The following IQSEC1 variants were observed in gnomAD, a reference collection of about 807,000 sequenced individuals.
IQSEC1 encodes IQ motif and SEC7 domain-containing protein 1.
Under a neutral mutation model 91.0 loss-of-function variants are expected in IQSEC1, and 31 were observed. That is an observed-to-expected ratio of 0.34 (90% confidence interval 0.26 to 0.46). The LOEUF is 0.46. Ranked by LOEUF, IQSEC1 falls within the 20% of genes least tolerant of loss-of-function variation. The pLI, the probability that IQSEC1 is intolerant of heterozygous loss-of-function variation, is 1.00. For missense variants in IQSEC1, 1,388 were observed against 1,575.6 expected (o/e 0.88, Z 2.02); for synonymous variants, 699 against 662.6 (o/e 1.05, Z -0.84).
rs541614898 is a variant in IQSEC1 at position 13,062,207 on chromosome 3, C to T, written c.23+10785G>A. Among the ~76,000 whole-genome samples, 3 of 152,320 alleles carry T rather than the reference C, an allele frequency of 2.0e-5. No individual in the cohort carries two copies. In the East Asian group the frequency reaches 5.8e-4, roughly 29 times the overall value. On this transcript the variant is annotated intron_variant, in intron 1 of 13. Transcript: ENST00000613206. ...ACACCATTACAGCCCAGCTTCCCTTCCCTTCCCTTCCCTTCCCAGATGTTC... is the reference window on the plus strand; with the variant it reads ...ACACCATTACAGCCCAGCTTCCCTTTCCTTCCCTTCCCTTCCCAGATGTTC...
At chr3:13,010,926 C>G (rs769270837) in intron 1 of IQSEC1, among the ~76,000 whole-genome samples, 1 of 152,184 alleles carries the variant, frequency 6.6e-6, no homozygotes, top group African/African-American at 2.4e-5. Flanking sequence ...AAACTCTCCT[C>G]CACTCCCCAC....
chr3:13,186,484 C>T (rs902208297), intron 1 of IQSEC1, among the ~76,000 whole-genome samples: 2 of 152,162 alleles, frequency 1.3e-5, no homozygotes, highest in Non-Finnish European at 2.9e-5. Context: ...GGGAATTGGA[C>T]TCTCTGGTAT....
In IQSEC1 at chr3:12,994,531, C is replaced by T. The variant is rs552504037; in HGVS notation, c.24-52666G>A. 9.2e-5 allele frequency among the ~76,000 whole-genome samples: 14 copies of T among 152,238 alleles called. No homozygotes were observed. The highest frequency in any genetic ancestry group is 7.8e-4 in the Admixed American group (12 of 15,306). ...ACCCCCGGCATTTCCCTCAGACTAC[C>T]CCAGACCCCCAATAAACAGCGAACA... is the stretch of plus-strand genomic sequence containing the variant. On this transcript the variant is annotated intron_variant, in intron 1 of 13. Transcript: ENST00000613206. This position sits in a 1 kb window ranked among gnomAD's most constrained non-coding sequence, Gnocchi z 4.5.
chr3:13,105,040 C>T (rs994958222), intron 2 of IQSEC1, among the ~76,000 whole-genome samples: 3 of 152,238 alleles, frequency 2.0e-5, no homozygotes, highest in Non-Finnish European at 4.4e-5. Context: ...ACTTTTAAAA[C>T]ACATGCTGCA....
At chr3:13,231,410 A>G (rs543406369) in intron 1 of IQSEC1, among the ~76,000 whole-genome samples, 36 of 152,330 alleles carry the variant, frequency 2.4e-4, no homozygotes, top group African/African-American at 8.4e-4. Context: ...AGTCCAGATC[A>G]GGGTGCCACA....
At chr3:13,095,522 T>TCAGAGGC (rs1191924761) in intron 2 of IQSEC1, among the ~76,000 whole-genome samples, 1 of 152,110 alleles carries the variant, frequency 6.6e-6, no homozygotes, top group Non-Finnish European at 1.5e-5. Context: ...CAGCGCCTCC[T>TCAGAGGC]CAGAGGCCGA....
chr3:13,176,305 T>C (rs903943603), intron 1 of IQSEC1, among the ~76,000 whole-genome samples: 3 of 152,054 alleles, frequency 2.0e-5, no homozygotes, highest in African/African-American at 7.2e-5. Flanking sequence ...GGATAACAAG[T>C]GTTCATTAAG....
In IQSEC1 at chr3:12,979,670, G is replaced by A. The variant is rs745571313; in HGVS notation, c.24-37805C>T. On this transcript the variant is annotated intron_variant, in intron 1 of 13. Coordinates refer to ENST00000613206, the MANE Select transcript of IQSEC1 (RefSeq NM_001134382.3). This position sits in a 1 kb window ranked among gnomAD's most constrained non-coding sequence, Gnocchi z 4.3. ...AATCAATACATTGCATTAAGCCTTTGTGGGTGATAAAGAGACATTAAAGGT... is the reference window on the plus strand; with the variant it reads ...AATCAATACATTGCATTAAGCCTTTATGGGTGATAAAGAGACATTAAAGGT... 2.6e-5 allele frequency among the ~76,000 whole-genome samples: 4 copies of A among 152,180 alleles called. No homozygotes were observed. The highest frequency in any genetic ancestry group is 4.4e-5 in the Non-Finnish European group (3 of 68,036).
intron 2 of IQSEC1, among the ~76,000 whole-genome samples, chr3:13,135,931 C>A (rs552737150): frequency 1.3e-5 from 2 of 152,202 alleles, no homozygotes; most frequent in African/African-American, 4.8e-5. Flanking sequence ...AGAGGAGAAG[C>A]GCAGGCCCTG....
intron 2 of IQSEC1, among the ~76,000 whole-genome samples, chr3:13,152,210 T>G (rs1707012255): frequency 6.6e-6 from 1 of 152,188 alleles, no homozygotes. Context: ...CTGTGAAATC[T>G]TTTTAGCCTT....
intron 1 of IQSEC1, among the ~76,000 whole-genome samples, chr3:12,997,497 A>G (rs1470889570): frequency 6.6e-6 from 1 of 152,244 alleles, no homozygotes; most frequent in Non-Finnish European, 1.5e-5. Context: ...TCAGGTTTGC[A>G]GTGCTTAATG....
chr3:13,271,385 T>G (rs758009087), intron 1 of IQSEC1, among the ~76,000 whole-genome samples: 2 of 151,392 alleles, frequency 1.3e-5, no homozygotes, highest in African/African-American at 2.4e-5. Flanking sequence ...TCAAAAAAAA[T>G]AAAAAAGAAA....
chr3:13,153,411 G>A (rs1284633432), intron 2 of IQSEC1, among the ~76,000 whole-genome samples: 1 of 152,210 alleles, frequency 6.6e-6, no homozygotes, highest in African/African-American at 2.4e-5. Context: ...GAAGAGGAGA[G>A]AAGGTCTCAT....
intron 1 of IQSEC1, among the ~76,000 whole-genome samples, chr3:13,243,388 T>C (rs1695052949): frequency 6.6e-6 from 1 of 152,046 alleles, no homozygotes; most frequent in African/African-American, 2.4e-5. Context: ...TCAGGAGCCC[T>C]GCGGAGGCCC....
chr3:12,911,215 C>G (rs1212071251), intron 10 of IQSEC1, among the ~76,000 whole-genome samples: 1 of 152,376 alleles, frequency 6.6e-6, no homozygotes, highest in Non-Finnish European at 1.5e-5. Flanking sequence ...GAGCTGGGAT[C>G]TGACCCAGGC....
At chr3:13,263,748 C>CT (rs1002721812) in intron 1 of IQSEC1, among the ~76,000 whole-genome samples, 9 of 149,446 alleles carry the variant, frequency 6.0e-5, no homozygotes, top group Admixed American at 3.3e-4. Context: ...CCCAGCCCCA[C>CT]TTTTTTTTTT....
rs1694453167 is a variant in IQSEC1 at position 13,211,784 on chromosome 3, C to T, written c.273-47651G>A. Among the ~76,000 whole-genome samples the T allele has an allele frequency of 6.6e-6, 1 of 152,210 alleles. No homozygotes were observed. Among genetic ancestry groups the T allele is most frequent in the Non-Finnish European group, 1.5e-5 (1 of 68,030 alleles). ...CTGGAAGGCCCTCTCTCCCTGCCCC[C>T]ATCCTGGCAGATGAAATCCCTAAAA... is the stretch of plus-strand genomic sequence containing the variant. On this transcript the variant is annotated intron_variant, in intron 1 of 15. Coordinates refer to the IQSEC1 transcript ENST00000648114. The surrounding 1 kb of genome is among the most constrained non-coding windows in gnomAD (Gnocchi z 5.3).
intron 1 of IQSEC1, 111 bp from the exon 2 acceptor site, chr3:12,941,976 C>A: frequency 2.0e-6 from 2 of 996,260 alleles, no homozygotes; most frequent in Non-Finnish European, 2.9e-6. Flanking sequence ...CATGCCCGTT[C>A]TTCTCACACC....
At chr3:13,277,139 A>T (rs918194667) in intron 1 of IQSEC1, among the ~76,000 whole-genome samples, 1 of 127,188 alleles carries the variant, frequency 7.9e-6, no homozygotes, top group Non-Finnish European at 1.7e-5. Flanking sequence ...AAAAAAAAAC[A>T]GAAAACAAGA....
Sources: allele counts gnomAD v4.1 joint callset (sites outside exome capture counted in the v4.1 genomes callset), GRCh38; gene constraint gnomAD v4.1.1; non-coding constraint Gnocchi (gnomAD v3.1); transcripts MANE v1.5; gene names NCBI Gene and HGNC (gene_info 2026-07-23, HGNC 2026-07-21).